Variants in LOC400499 observed in about 807,000 individuals in gnomAD.
chr16:11,407,503 C>T, the LOC400499 span, among the ~76,000 whole-genome samples: 5 of 152,332 alleles, frequency 3.3e-5, no homozygotes, highest in African/African-American at 7.2e-5. Flanking sequence ...TTTGATGATG[C>T]GAGGGTTTGG....
the LOC400499 span, among the ~76,000 whole-genome samples, chr16:11,468,350 GT>G: frequency 6.6e-6 from 1 of 152,142 alleles, no homozygotes; most frequent in African/African-American, 2.4e-5. Context: ...GAGAGACAGG[GT>G]CTTACTTTGT....
At chr16:11,513,641 G>A in the LOC400499 span, among the ~76,000 whole-genome samples, 2 of 151,952 alleles carry the variant, frequency 1.3e-5, no homozygotes, top group Non-Finnish European at 2.9e-5. Flanking sequence ...ATGTTGGCCA[G>A]GCTGGTCTCG....
the LOC400499 span, chr16:11,383,625 T>A: frequency 8.1e-7 from 1 of 1,232,274 alleles, no homozygotes; most frequent in Non-Finnish European, 1.0e-6. Flanking sequence ...GAGTGCTAGA[T>A]GGCTGGGGCA....
the LOC400499 span, among the ~76,000 whole-genome samples, chr16:11,504,762 A>G: frequency 1.3e-5 from 2 of 152,120 alleles, no homozygotes; most frequent in Non-Finnish European, 2.9e-5. Context: ...ATCTCTGCCA[A>G]AAATATAAAA....
chr16:11,469,971 C>T, the LOC400499 span, among the ~76,000 whole-genome samples: 1 of 152,174 alleles, frequency 6.6e-6, no homozygotes, highest in African/African-American at 2.4e-5. Flanking sequence ...GGCATGATCT[C>T]GGCTCACTGC....
chr16:11,419,847 T>C, the LOC400499 span, among the ~76,000 whole-genome samples: 1 of 151,732 alleles, frequency 6.6e-6, no homozygotes, highest in South Asian at 2.1e-4. Flanking sequence ...GAAAAAATGC[T>C]CATCATCACT....
chr16:11,410,260 C>T, the LOC400499 span, among the ~76,000 whole-genome samples: 1 of 152,176 alleles, frequency 6.6e-6, no homozygotes, highest in Admixed American at 6.5e-5. Flanking sequence ...TTGCGACCAG[C>T]CTGGATATCA....
At chr16:11,460,097 C>T in the LOC400499 span, 1 of 1,304,370 alleles carries the variant, frequency 7.7e-7, no homozygotes, top group South Asian at 2.5e-5. Flanking sequence ...GAGGCCCTGC[C>T]CACCCAGTCC....
At chr16:11,460,499 T>A in the LOC400499 span, 15 of 1,531,482 alleles carry the variant, frequency 9.8e-6, no homozygotes, top group East Asian at 3.7e-4. Flanking sequence ...GGCTAGGATC[T>A]GTGTGCAGTG....
chr16:11,374,705 C>G, the LOC400499 span, among the ~76,000 whole-genome samples: 1 of 152,270 alleles, frequency 6.6e-6, no homozygotes, highest in East Asian at 1.9e-4. Context: ...TATGGAGAGA[C>G]CACATTTATC....
At chr16:11,511,787 G>T in the LOC400499 span, among the ~76,000 whole-genome samples, 2 of 152,334 alleles carry the variant, frequency 1.3e-5, no homozygotes, top group South Asian at 4.1e-4. Context: ...AGCACTTTGG[G>T]AGGCTGCAGT....
At chr16:11,431,488 C>T in the LOC400499 span, among the ~76,000 whole-genome samples, 7 of 152,188 alleles carry the variant, frequency 4.6e-5, no homozygotes, top group African/African-American at 1.7e-4. Context: ...TCACTGCAAC[C>T]TCCGCCTCCT....
At chr16:11,485,866 T>G in the LOC400499 span, among the ~76,000 whole-genome samples, 4,157 of 151,852 alleles carry the variant, frequency 0.027, 124 homozygotes, top group East Asian at 0.16. Context: ...GATGGATGAG[T>G]GGGAAAACAG....
At chr16:11,477,291 G>A in the LOC400499 span, among the ~76,000 whole-genome samples, 525 of 152,336 alleles carry the variant, frequency 3.4e-3, 3 homozygotes, top group East Asian at 0.03. Flanking sequence ...CATTCCCCAT[G>A]TCAAACTCAG....
the LOC400499 span, among the ~76,000 whole-genome samples, chr16:11,504,556 C>G: frequency 1.3e-5 from 2 of 150,424 alleles, no homozygotes; most frequent in Admixed American, 6.6e-5. Flanking sequence ...ACTCCGTCCC[C>G]CCCCCCAAAA....
At chr16:11,511,748 G>A in the LOC400499 span, among the ~76,000 whole-genome samples, 88,758 of 152,076 alleles carry the variant, frequency 0.58, 26,323 homozygotes, top group Admixed American at 0.66. Context: ...TGACTAAGGC[G>A]GAGCACAGTG....
the LOC400499 span, among the ~76,000 whole-genome samples, chr16:11,379,637 G>C: frequency 4.2e-4 from 64 of 152,332 alleles, no homozygotes; most frequent in African/African-American, 1.5e-3. Flanking sequence ...CAGTTGCTGT[G>C]GGGAGACTCC....
chr16:11,449,241 C>T, the LOC400499 span: 24 of 773,138 alleles, frequency 3.1e-5, no homozygotes, highest in Non-Finnish European at 4.1e-5. Context: ...ATTTCTCTGA[C>T]GCCTAACCTG....
At chr16:11,511,002 CT>C in the LOC400499 span, among the ~76,000 whole-genome samples, 133 of 143,728 alleles carry the variant, frequency 9.3e-4, 1 homozygote, top group East Asian at 1.0e-3. Flanking sequence ...TGATGATTTT[CT>C]TTTTTTTTTT....
Sources: gnomAD v4.1 joint callset for allele counts (sites outside exome capture counted in the v4.1 genomes callset) on GRCh38, gnomAD v4.1.1 for gene constraint, MANE v1.5 for transcripts.